The following TTC29 variants were observed in gnomAD, a reference collection of about 807,000 sequenced individuals.
The protein encoded by TTC29 is tetratricopeptide repeat domain 29.
TTC29 carries 49 observed loss-of-function variants against 58.1 expected under a neutral mutation model. That is an observed-to-expected ratio of 0.84 (90% CI 0.67 to 1.07). The LOEUF is 1.07. Ranked by LOEUF, TTC29 falls within the 50% of genes least tolerant of loss-of-function variation. The pLI, the probability that TTC29 is intolerant of heterozygous loss-of-function variation, is 0.00. For synonymous variants in TTC29, 209 were observed against 196.8 expected, an observed-to-expected ratio of 1.06 and a Z score of -0.52; for missense variants, 582 against 555.6, an observed-to-expected ratio of 1.05 and a Z score of -0.48.
rs79138712 is a variant in TTC29 at position 146,801,469 on chromosome 4, A to G, written c.1330+1988T>C. ...CATGCATATATTTCTAATGTAGGTG[A>G]AATAAATCAGCAAAGGAGTGTTTTA... On this transcript the variant is annotated intron_variant, in intron 11 of 12. Coordinates refer to ENST00000325106, the MANE Select transcript of TTC29 (RefSeq NM_031956.4). 7.6e-3 allele frequency among the ~76,000 whole-genome samples: 1,158 copies of G among 152,188 alleles called. 3 individuals are homozygous for G. The highest frequency in any genetic ancestry group is 0.012 in the Non-Finnish European group (843 of 68,012).
chr4:146,906,109 T>G (rs1332965107), intron 5 of TTC29, among the ~76,000 whole-genome samples: 1 of 151,998 alleles, frequency 6.6e-6, no homozygotes, highest in East Asian at 1.9e-4. Context: ...GGCATAAGGC[T>G]CAAATCAGAT....
chr4:146,789,845 T>C (rs1487220741), intron 11 of TTC29, among the ~76,000 whole-genome samples: 1 of 151,924 alleles, frequency 6.6e-6, no homozygotes, highest in African/African-American at 2.4e-5. Flanking sequence ...GCAGCCAAGG[T>C]GATCTTTCTT....
At chr4:146,841,344 A>C (rs959788697) in intron 8 of TTC29, among the ~76,000 whole-genome samples, 1 of 152,152 alleles carries the variant, frequency 6.6e-6, no homozygotes, top group African/African-American at 2.4e-5. Context: ...AGCACTGTGC[A>C]TGCACAGCTC....
intron 8 of TTC29, among the ~76,000 whole-genome samples, chr4:146,848,284 A>C (rs1286792003): frequency 6.6e-6 from 1 of 152,212 alleles, no homozygotes; most frequent in Non-Finnish European, 1.5e-5. Flanking sequence ...AATTCAAGAT[A>C]TACTTCCACA....
intron 6 of TTC29, among the ~76,000 whole-genome samples, chr4:146,893,776 T>C (rs1200975077): frequency 1.3e-5 from 2 of 152,118 alleles, no homozygotes; most frequent in African/African-American, 4.8e-5. Flanking sequence ...ATTTTTGCAA[T>C]CTACTCATCT....
chr4:146,871,135 C>T (rs935802210), intron 7 of TTC29, among the ~76,000 whole-genome samples: 1 of 151,828 alleles, frequency 6.6e-6, no homozygotes, highest in Non-Finnish European at 1.5e-5. Flanking sequence ...GATTATACAC[C>T]ACGATCAAGT....
At chr4:146,849,980 A>G (rs1426481606) in intron 8 of TTC29, among the ~76,000 whole-genome samples, 2 of 152,106 alleles carry the variant, frequency 1.3e-5, no homozygotes, top group East Asian at 3.9e-4. Flanking sequence ...CTCCTGACTC[A>G]TTATTTTGTT....
chr4:146,848,204 T>G (rs1247290513), intron 8 of TTC29, among the ~76,000 whole-genome samples: 3 of 152,236 alleles, frequency 2.0e-5, no homozygotes, highest in Non-Finnish European at 4.4e-5. Context: ...CACATTATAC[T>G]TTCTTCACCT....
chr4:146,737,568 G>T (rs768727717), intron 11 of TTC29, among the ~76,000 whole-genome samples: 26 of 140,112 alleles, frequency 1.9e-4, no homozygotes, highest in Non-Finnish European at 3.7e-4. Flanking sequence ...CATCTGGCAA[G>T]TGAGGCTGAT....
intron 8 of TTC29, among the ~76,000 whole-genome samples, chr4:146,845,727 C>G (rs2150175395): frequency 6.6e-6 from 1 of 152,292 alleles, no homozygotes; most frequent in Non-Finnish European, 1.5e-5. Context: ...CCAGCTCTCT[C>G]TGCCTCCAGG....
At chr4:146,780,467 G>A (rs952639) in intron 11 of TTC29, among the ~76,000 whole-genome samples, 34,293 of 151,646 alleles carry the variant, frequency 0.23, 4,196 homozygotes, top group East Asian at 0.32. Flanking sequence ...ATCTTTTGAG[G>A]CCATCAATTT....
rs770961842 is a variant in TTC29, at chr4:146,833,881, C to T, written c.902G>A (p.Cys301Tyr). Residue 301 changes from cysteine (C) to tyrosine (Y), a missense_variant, in exon 9 of 13, where the codon TGT (cysteine) becomes TAT (tyrosine). By Grantham distance (194) the Cys-to-Tyr change is radical (BLOSUM62 -2). Coordinates refer to ENST00000325106, the MANE Select transcript of TTC29 (RefSeq NM_031956.4). ...ATCATCCAGGTCTGTGGAGATTTTA[C>T]AGTAAGTGTCAAGGACCTATCAGGA... ...ETALTVLDTY[C>Y]KISTDLDDDL... The T allele has an allele frequency of 1.2e-6, 2 of 1,612,722 alleles. No individual in the cohort carries two copies. The highest frequency in any genetic ancestry group is 2.2e-5 in the South Asian group (2 of 91,008).
intron 3 of TTC29, among the ~76,000 whole-genome samples, chr4:146,938,324 T>C (rs927577695): frequency 9.9e-5 from 15 of 152,170 alleles, no homozygotes; most frequent in South Asian, 8.3e-4. Flanking sequence ...CAGTGTTTTA[T>C]TCAGAAGCTA....
At chr4:146,771,138 T>C (rs1244344748) in intron 11 of TTC29, among the ~76,000 whole-genome samples, 1 of 152,120 alleles carries the variant, frequency 6.6e-6, no homozygotes, top group Admixed American at 6.6e-5. Flanking sequence ...ACAGGCACAT[T>C]ATATGAATAT....
chr4:146,739,214 T>C (rs554157961), intron 11 of TTC29, among the ~76,000 whole-genome samples: 119 of 152,208 alleles, frequency 7.8e-4, no homozygotes, highest in Non-Finnish European at 1.5e-3. Flanking sequence ...GGTGGACGTG[T>C]TTTGGTATTC....
At chr4:146,745,714 C>T in intron 11 of TTC29, among the ~76,000 whole-genome samples, 1 of 152,200 alleles carries the variant, frequency 6.6e-6, no homozygotes, top group Non-Finnish European at 1.5e-5. Context: ...CCCACATTGA[C>T]TCTTACGCTG....
intron 11 of TTC29, among the ~76,000 whole-genome samples, chr4:146,725,800 G>C: frequency 6.6e-6 from 1 of 152,106 alleles, no homozygotes; most frequent in East Asian, 1.9e-4. Context: ...ATATTGTAGA[G>C]CATTTCATTC....
At chr4:146,708,033 C>G (rs536427043) in intron 11 of TTC29, among the ~76,000 whole-genome samples, 1 of 151,890 alleles carries the variant, frequency 6.6e-6, no homozygotes, top group Non-Finnish European at 1.5e-5. Context: ...AGCCTTCCAG[C>G]CATCTTGGCC....
chr4:146,810,207 C>G (rs1750917824), intron 10 of TTC29, among the ~76,000 whole-genome samples: 1 of 152,084 alleles, frequency 6.6e-6, no homozygotes, highest in African/African-American at 2.4e-5. Flanking sequence ...GGGAGTTGAA[C>G]AGCGAGAAGA....
Sources: gnomAD v4.1 joint callset for allele counts (sites outside exome capture counted in the v4.1 genomes callset) on GRCh38, gnomAD v4.1.1 for gene constraint, MANE v1.5 for transcripts, NCBI Gene and HGNC (gene_info 2026-07-23, HGNC 2026-07-21) for gene names.